SLC10A2: variants seen among roughly 807,000 people sequenced by gnomAD.
The protein encoded by SLC10A2 is solute carrier family 10 member 2, also known as ileal sodium/bile acid cotransporter.
A neutral mutation model predicts 27.1 loss-of-function variants in SLC10A2; 34 were observed. That is an observed-to-expected ratio of 1.26 (90% CI 0.96 to 1.67). The LOEUF (loss-of-function observed/expected upper bound fraction) is 1.67. SLC10A2 is among the 40% of genes most tolerant of loss of function. The pLI is 0.00. For synonymous variants in SLC10A2, 205 were observed against 174.0 expected (o/e 1.18, Z -1.40); for missense variants, 530 against 444.4 (o/e 1.19, Z -1.73).
At chr13:103,059,743 C>G (rs1173194625) in intron 1 of SLC10A2, among the ~76,000 whole-genome samples, 2 of 152,214 alleles carry the variant, frequency 1.3e-5, no homozygotes, top group Non-Finnish European at 2.9e-5. Context: ...CTGCATGTGT[C>G]TGACCATGCT....
In SLC10A2 at chr13:103,046,178, T is replaced by C. The variant is rs1463297260; in HGVS notation, c.1002A>G (p.Ser334=). 20 of 1,613,884 alleles carry C rather than the reference T, an allele frequency of 1.2e-5. No individual in the cohort carries two copies. The highest frequency in any genetic ancestry group is 1.7e-5 in the Admixed American group (1 of 59,988). ...ATCCTCCATTTGCCTTATAAAACGATGACTCTGGCTCCGTTCCATTTTCTT... is the reference window on the plus strand; with the variant it reads ...ATCCTCCATTTGCCTTATAAAACGACGACTCTGGCTCCGTTCCATTTTCTT... The part of the protein sequence containing the change: ...ESKENGTEPE[S]SFYKANGGFQ... Residue 334 remains serine, a synonymous_variant, in exon 6 of 6, where the codon TCA becomes TCG. Coordinates refer to ENST00000245312, the MANE Select transcript of SLC10A2 (RefSeq NM_000452.3).
chr13:103,049,806 AG>A (rs1181555279), intron 4 of SLC10A2, among the ~76,000 whole-genome samples: 6 of 152,136 alleles, frequency 3.9e-5, no homozygotes, highest in Admixed American at 6.5e-5. Flanking sequence ...AAAATGCTCA[AG>A]ATATGGTATT....
intron 1 of SLC10A2, among the ~76,000 whole-genome samples, chr13:103,059,936 G>A (rs1477096751): frequency 6.6e-6 from 1 of 152,188 alleles, no homozygotes; most frequent in Non-Finnish European, 1.5e-5. Context: ...TAAATTCTTA[G>A]CACTGAGTAA....
chr13:103,051,565 T>A (rs1875783591), intron 3 of SLC10A2, 133 bp from the exon 4 acceptor site: 1 of 953,224 alleles, frequency 1.0e-6, no homozygotes, highest in Admixed American at 2.0e-5. Flanking sequence ...TTCTATGTAC[T>A]CCAAGCCAGG....
intron 2 of SLC10A2, among the ~76,000 whole-genome samples, chr13:103,056,422 T>C (rs544619812): frequency 5.3e-5 from 8 of 152,310 alleles, no homozygotes; most frequent in African/African-American, 1.9e-4. Flanking sequence ...ATTTCAAAAT[T>C]TATTCACATC....
At chr13:103,050,432 A>G (rs1368416332) in intron 4 of SLC10A2, among the ~76,000 whole-genome samples, 2 of 152,162 alleles carry the variant, frequency 1.3e-5, no homozygotes, top group Admixed American at 1.3e-4. Flanking sequence ...GATTAGTCAA[A>G]AAGAATTGTT....
intron 4 of SLC10A2, among the ~76,000 whole-genome samples, chr13:103,050,110 C>T (rs1875731529): frequency 6.6e-6 from 1 of 152,166 alleles, no homozygotes; most frequent in Non-Finnish European, 1.5e-5. Flanking sequence ...GATTGTGCCA[C>T]TGGACTCCAG....
chr13:103,056,638 C>G (rs1214089264), intron 2 of SLC10A2, among the ~76,000 whole-genome samples: 1 of 152,000 alleles, frequency 6.6e-6, no homozygotes, highest in South Asian at 2.1e-4. Context: ...CTCACGTAAA[C>G]TATGGTTTTT....
In SLC10A2 at chr13:103,045,771, A is replaced by G. The variant is rs912661957; in HGVS notation, c.*362T>C. On this transcript the variant is annotated 3_prime_UTR_variant, in exon 6 of 6. Coordinates refer to ENST00000245312, the MANE Select transcript of SLC10A2 (RefSeq NM_000452.3). ...TTAACATACAGAAAGTCAGGTTGTC[A>G]TCTATGGGCTAGGAAATTCTGCATA... The G allele has an allele frequency of 5.7e-6, 1 of 175,764 alleles. No individual in the cohort carries two copies. The highest frequency in any genetic ancestry group is 1.2e-5 in the Non-Finnish European group (1 of 82,216). The allele number at this position is 175,764 out of a possible 1,614,324, so 10.9% of individuals were successfully genotyped here.
At position 103,049,338 on chromosome 13, in the gene SLC10A2, C is replaced by T. The variant is rs370310605; in HGVS notation, c.870G>A (p.Pro290=). The T allele has an allele frequency of 1.4e-5, 22 of 1,613,712 alleles. No individual in the cohort carries two copies. The highest frequency in any genetic ancestry group is 1.2e-4 in the African/African-American group (9 of 74,838). ...PEELNVVFTF[P]LIYSIFQLAF... ...CGAGCTGGAAAATGCTGTAGATGAG[C>T]GGGAAGGTGAATACGACATTGAGCT... Residue 290 remains proline, a synonymous_variant, in exon 5 of 6, where the codon CCG becomes CCA. Coordinates refer to ENST00000245312, the MANE Select transcript of SLC10A2 (RefSeq NM_000452.3).
In SLC10A2 at chr13:103,052,728, A is replaced by G; in HGVS notation, c.497-20T>C. ...ATGTACCTAAAGATGACAGAAGGGC[A>G]ATGTGATCAGCAGAACAGGTGACAC... On this transcript the variant is annotated intron_variant, in intron 2 of 5. Transcript: ENST00000245312. The G allele has an allele frequency of 2.1e-6, 3 of 1,436,132 alleles. No individual in the cohort carries two copies. Among genetic ancestry groups the G allele is most frequent in the Non-Finnish European group, 2.9e-6 (3 of 1,017,782 alleles). 89.0% of individuals were successfully genotyped at this position (1,436,132 alleles called of 1,614,324 possible).
At chr13:103,047,382 A>G (rs1322655706) in intron 5 of SLC10A2, among the ~76,000 whole-genome samples, 2 of 152,180 alleles carry the variant, frequency 1.3e-5, no homozygotes, top group Non-Finnish European at 2.9e-5. Flanking sequence ...CTTGTGGTCA[A>G]TTTGAAGATC....
intron 5 of SLC10A2, 80 bp from the exon 6 acceptor site, chr13:103,046,340 A>G (rs965224532): frequency 6.9e-6 from 8 of 1,157,000 alleles, no homozygotes; most frequent in Non-Finnish European, 1.0e-5. Context: ...ATTATAACCT[A>G]TGATTCACAT....
At chr13:103,062,346 G>A (rs1876149188) in intron 1 of SLC10A2, among the ~76,000 whole-genome samples, 1 of 152,152 alleles carries the variant, frequency 6.6e-6, no homozygotes, top group Non-Finnish European at 1.5e-5. Flanking sequence ...CAATGACCTT[G>A]GTCAAGGTTA....
intron 2 of SLC10A2, among the ~76,000 whole-genome samples, chr13:103,054,141 G>T (rs1044903691): frequency 1.4e-4 from 21 of 152,058 alleles, no homozygotes; most frequent in Non-Finnish European, 5.9e-5. Flanking sequence ...CCCCCTTGTT[G>T]TTCTTGTGAT....
intron 2 of SLC10A2, among the ~76,000 whole-genome samples, chr13:103,053,064 G>GA (rs1333209179): frequency 4.2e-4 from 61 of 146,182 alleles, no homozygotes; most frequent in African/African-American, 1.4e-3. Flanking sequence ...ATATCTCTAG[G>GA]AAAAATAGCT....
chr13:103,058,521 C>T, intron 1 of SLC10A2, 139 bp from the exon 2 acceptor site: 1 of 679,634 alleles, frequency 1.5e-6, no homozygotes, highest in Non-Finnish European at 2.7e-6. Flanking sequence ...CAACTTGTGT[C>T]ATGGGGGTTT....
intron 2 of SLC10A2, among the ~76,000 whole-genome samples, chr13:103,055,494 C>T (rs961364581): frequency 2.6e-5 from 4 of 152,122 alleles, no homozygotes; most frequent in African/African-American, 9.7e-5. Flanking sequence ...AATAATCACC[C>T]TGAGCCACAA....
At chr13:103,052,522 TA>T in intron 3 of SLC10A2, 97 bp downstream of exon 3, 1 of 877,112 alleles carries the variant, frequency 1.1e-6, no homozygotes, top group Non-Finnish European at 2.0e-6. Flanking sequence ...CACTCAACAG[TA>T]ATCATATAAT....
Sources: gnomAD v4.1 joint callset for allele counts (sites outside exome capture counted in the v4.1 genomes callset) on GRCh38, gnomAD v4.1.1 for gene constraint, MANE v1.5 for transcripts, NCBI Gene and HGNC (gene_info 2026-07-23, HGNC 2026-07-21) for gene names.